TMC1: variants seen among roughly 807,000 people sequenced by gnomAD.
TMC1 encodes transmembrane channel-like protein 1.
Under a neutral mutation model 105.8 loss-of-function variants are expected in TMC1, and 84 were observed. The ratio of observed to expected loss-of-function variants is 0.79; its 90% confidence interval spans 0.67 to 0.95. TMC1 has a LOEUF of 0.95. TMC1 is among the 40% of genes least tolerant of loss of function. The pLI is 0.00. For missense variants in TMC1, 817 were observed against 914.1 expected (o/e 0.89, Z 1.37); for synonymous variants, 315 against 311.5 (o/e 1.01, Z -0.12).
At chr9:72,650,872 T>A (rs1162764523) in intron 5 of TMC1, among the ~76,000 whole-genome samples, 4 of 119,874 alleles carry the variant, frequency 3.3e-5, no homozygotes, top group African/African-American at 1.3e-4. Flanking sequence ...ATGGTGTATT[T>A]TATATATATA....
intron 8 of TMC1, among the ~76,000 whole-genome samples, chr9:72,725,439 G>T (rs987263542): frequency 1.4e-5 from 2 of 147,574 alleles, no homozygotes; most frequent in African/African-American, 2.5e-5. Context: ...TGATCACAAG[G>T]TTCCACAACG....
chr9:72,658,344 A>C (rs977058766), intron 5 of TMC1, among the ~76,000 whole-genome samples: 1 of 152,130 alleles, frequency 6.6e-6, no homozygotes, highest in Admixed American at 6.5e-5. Flanking sequence ...AAAAAAAAAA[A>C]AAAACTATGG....
At chr9:72,830,739 T>TTTC (rs746741833) in intron 23 of TMC1, 57 bp downstream of exon 23, 91 of 210,062 alleles carry the variant, frequency 4.3e-4, no homozygotes, top group African/African-American at 2.5e-3. Context: ...TTTTTCTTTC[T>TTTC]TTTTTTTTTT....
intron 8 of TMC1, among the ~76,000 whole-genome samples, chr9:72,720,644 G>A (rs1360206441): frequency 6.6e-6 from 1 of 152,198 alleles, no homozygotes; most frequent in Admixed American, 6.5e-5. Flanking sequence ...TTAGCCTGCT[G>A]AAATTGCAGG....
chr9:72,620,327 G>A (rs1825224469), intron 3 of TMC1, among the ~76,000 whole-genome samples: 2 of 151,942 alleles, frequency 1.3e-5, no homozygotes, highest in African/African-American at 2.4e-5. Context: ...CTGAAGCCTT[G>A]ACTTCTTGGG....
intron 8 of TMC1, among the ~76,000 whole-genome samples, chr9:72,723,886 G>T (rs1281357930): frequency 6.6e-6 from 1 of 152,094 alleles, no homozygotes; most frequent in African/African-American, 2.4e-5. Context: ...AGTTTGGCAG[G>T]CTTTTCAAGT....
intron 23 of TMC1, 117 bp from the exon 24 acceptor site, chr9:72,835,834 G>T: frequency 1.8e-6 from 2 of 1,127,722 alleles, no homozygotes; most frequent in Non-Finnish European, 1.3e-6. Flanking sequence ...CAGATTTCTG[G>T]CCACCTCATT....
chr9:72,768,150 A>G (rs913364186), intron 12 of TMC1, among the ~76,000 whole-genome samples: 1 of 152,234 alleles, frequency 6.6e-6, no homozygotes, highest in Non-Finnish European at 1.5e-5. Flanking sequence ...GCCATAAAAA[A>G]GGATGGGTTC....
chr9:72,763,150 A>G (rs1331621510), intron 12 of TMC1, among the ~76,000 whole-genome samples: 1 of 135,332 alleles, frequency 7.4e-6, no homozygotes, highest in East Asian at 2.2e-4. Flanking sequence ...CCCTCAGGCT[A>G]CACTTGGCCA....
chr9:72,571,689 A>C (rs935475362), intron 1 of TMC1, among the ~76,000 whole-genome samples: 12 of 151,894 alleles, frequency 7.9e-5, no homozygotes, highest in African/African-American at 2.9e-4. Flanking sequence ...ATCCATAAGC[A>C]ATACCGTATA....
chr9:72,734,813 C>A (rs888217645), intron 8 of TMC1, among the ~76,000 whole-genome samples: 6 of 152,070 alleles, frequency 3.9e-5, no homozygotes, highest in African/African-American at 1.4e-4. Context: ...ATTTGTTGCT[C>A]AATCATACTA....
intron 3 of TMC1, among the ~76,000 whole-genome samples, chr9:72,619,872 G>A (rs571443892): frequency 2.9e-4 from 44 of 151,994 alleles, no homozygotes; most frequent in African/African-American, 1.0e-3. Flanking sequence ...GTCTCGCTCT[G>A]TCACCAGGCT....
At chr9:72,675,168 G>A (rs1010166540) in intron 5 of TMC1, among the ~76,000 whole-genome samples, 1 of 152,086 alleles carries the variant, frequency 6.6e-6, no homozygotes, top group Non-Finnish European at 1.5e-5. Context: ...TGAACAGTTC[G>A]ATGAATGCCT....
At chr9:72,547,697 C>T (rs552712080) in intron 1 of TMC1, among the ~76,000 whole-genome samples, 1 of 152,270 alleles carries the variant, frequency 6.6e-6, no homozygotes, top group Non-Finnish European at 1.5e-5. Context: ...ACTGGGAAGA[C>T]TAAGTGCTCA....
intron 13 of TMC1, among the ~76,000 whole-genome samples, chr9:72,786,018 C>A (rs1052670881): frequency 3.9e-5 from 6 of 152,170 alleles, no homozygotes; most frequent in Non-Finnish European, 8.8e-5. Context: ...ATTATAGTGA[C>A]CCTGTTGGTT....
chr9:72,587,332 A>G (rs1824571004), intron 2 of TMC1, among the ~76,000 whole-genome samples: 1 of 151,940 alleles, frequency 6.6e-6, no homozygotes. Context: ...CTAATTTTGT[A>G]TTTTTAATAG....
In TMC1 at chr9:72,806,168, G is replaced by A. The variant is rs867374569; in HGVS notation, c.1695+658G>A. Among the ~76,000 whole-genome samples, 572 of 150,246 alleles carry A rather than the reference G, an allele frequency of 3.8e-3. 2 individuals are homozygous for A. Among genetic ancestry groups the A allele is most frequent in the African/African-American group, 0.012 (510 of 40,958 alleles). On this transcript the variant is annotated intron_variant, in intron 18 of 23. Coordinates refer to ENST00000297784, the MANE Select transcript of TMC1 (RefSeq NM_138691.3). The stretch of plus-strand genomic sequence containing the variant: ...TCCCGGGCGGGGCGGCTGGCCGGGC[G>A]GGGGGCTGACCCCCCACCTCCCCTC...
At chr9:72,556,139 G>A (rs534501631) in intron 1 of TMC1, among the ~76,000 whole-genome samples, 4 of 148,386 alleles carry the variant, frequency 2.7e-5, no homozygotes, top group African/African-American at 5.0e-5. Flanking sequence ...TTTTTGAGAC[G>A]GAGTTTCGCT....
chr9:72,784,506 T>C (rs1191225333), intron 13 of TMC1, among the ~76,000 whole-genome samples: 1 of 152,198 alleles, frequency 6.6e-6, no homozygotes, highest in African/African-American at 2.4e-5. Context: ...TGTAAATTAG[T>C]TCAGCCACTG....
Sources: gnomAD v4.1 joint callset for allele counts (sites outside exome capture counted in the v4.1 genomes callset) on GRCh38, gnomAD v4.1.1 for gene constraint, MANE v1.5 for transcripts, NCBI Gene and HGNC (gene_info 2026-07-23, HGNC 2026-07-21) for gene names.